Variants in PXK observed in about 807,000 individuals in gnomAD.
PXK encodes PX domain containing serine/threonine kinase like, also known as PX domain-containing protein kinase-like protein.
PXK carries 35 observed loss-of-function variants against 84.7 expected under a neutral mutation model. The observed-to-expected ratio is 0.41, with a 90% CI of 0.32 to 0.55. The LOEUF (loss-of-function observed/expected upper bound fraction) is 0.55. Ranked by LOEUF, PXK falls within the 20% of genes least tolerant of loss-of-function variation. PXK has a pLI of 0.21. For missense variants in PXK, 634 were observed against 699.7 expected (o/e 0.91, Z 1.06); for synonymous variants, 253 against 260.8 (o/e 0.97, Z 0.29).
At chr3:58,372,398 C>T (rs1339695557) in intron 3 of PXK, among the ~76,000 whole-genome samples, 1 of 152,110 alleles carries the variant, frequency 6.6e-6, no homozygotes, top group Non-Finnish European at 1.5e-5. Flanking sequence ...TCTTGGCTGA[C>T]TGCAAGCTCC....
In PXK at chr3:58,390,686, T is replaced by G; in HGVS notation, c.466+27T>G. 1.3e-6 allele frequency: 2 copies of G among 1,592,738 alleles called. No individual in the cohort carries two copies. Among genetic ancestry groups the G allele is most frequent in the Non-Finnish European group, 8.6e-7 (1 of 1,164,092 alleles). On this transcript the variant is annotated intron_variant, in intron 5 of 17. Transcript: ENST00000356151. This position sits in a 1 kb window ranked among gnomAD's most constrained non-coding sequence, Gnocchi z 4.2. ...TGAGACATTGGCACGCTCATTCTGT[T>G]AAAAAGACAGATCACAGAACTGGAT...
chr3:58,412,934 C>G lies in PXK; in HGVS notation c.1499C>G (p.Pro500Arg). 1 of 1,614,172 alleles carries G rather than the reference C, an allele frequency of 6.2e-7. No homozygotes were observed. Among genetic ancestry groups the G allele is most frequent in the Non-Finnish European group, 8.5e-7 (1 of 1,180,026 alleles). ...GGGGCCAGCTCACCTCTCACGTCCC[C>G]GTCATCGCCAACTCCACCCTCTACA... Reference protein sequence around the residue: ...GSGASSPLTSPSSPTPPSTSG... With the variant: ...GSGASSPLTSRSSPTPPSTSG... The change falls in exon 17 of 18, where the codon CCG (proline) becomes CGG (arginine). Residue 500 changes from proline to arginine, a missense_variant. By Grantham distance (103) the Pro-to-Arg change is moderately radical. Around this residue, in one of 3 missense-constraint regions of PXK, gnomAD observed 273 missense variants for 283.6 expected, o/e 0.96. Transcript: ENST00000356151. This position sits in a 1 kb window ranked among gnomAD's most constrained non-coding sequence, Gnocchi z 6.2.
At chr3:58,346,939 A>C (rs1384113577) in intron 1 of PXK, among the ~76,000 whole-genome samples, 1 of 152,076 alleles carries the variant, frequency 6.6e-6, no homozygotes, top group Admixed American at 6.6e-5. Context: ...CCCAGGTTCA[A>C]GCCATTCTCC....
Position 58,342,661 on chromosome 3 carries a change from AAAAG to A in PXK, c.102+9579_102+9582del, listed in dbSNP as rs796283748. On this transcript the variant is annotated intron_variant, in intron 1 of 17. Coordinates refer to ENST00000356151, the MANE Select transcript of PXK (RefSeq NM_017771.5). ...AAAAAAAAAAAAAAAAGAAAAGAAA[AAAAG>A]AAAGAAAAACTTTTTAAAACTGTAA... 9.9e-4 allele frequency among the ~76,000 whole-genome samples: 149 copies of A among 150,962 alleles called. 1 individual carries two copies. Among genetic ancestry groups the A allele is most frequent in the African/African-American group, 3.2e-3 (129 of 40,594 alleles).
intron 17 of PXK, among the ~76,000 whole-genome samples, chr3:58,417,725 G>A (rs6773099): frequency 0.74 from 111,993 of 152,132 alleles, 41,747 homozygotes; most frequent in South Asian, 0.81. Flanking sequence ...TTTCATGGTA[G>A]TATCACCAAC....
rs575442501 is a variant in PXK at position 58,407,992 on chromosome 3, T to A, written c.1231-932T>A. Among the ~76,000 whole-genome samples the A allele has an allele frequency of 1.6e-4, 25 of 152,348 alleles. No homozygotes were observed. Among genetic ancestry groups the A allele is most frequent in the South Asian group, 2.1e-4 (1 of 4,828 alleles). ...CCCTGTGTCTTTTCTTTTAGGAGTT[T>A]TATAGTTTTAGGTCTTATGTTTAGG... On this transcript the variant is annotated intron_variant, in intron 13 of 17. Coordinates refer to ENST00000356151, the MANE Select transcript of PXK (RefSeq NM_017771.5). The surrounding 1 kb of genome is among the most constrained non-coding windows in gnomAD (Gnocchi z 4.3).
At chr3:58,342,599 C>T (rs1173707717) in intron 1 of PXK, among the ~76,000 whole-genome samples, 2 of 142,052 alleles carry the variant, frequency 1.4e-5, no homozygotes, top group African/African-American at 5.3e-5. Context: ...CATGCCAGTG[C>T]ACTCCAGCCT....
chr3:58,381,950 G>C (rs76119387), intron 3 of PXK, among the ~76,000 whole-genome samples: 1 of 148,488 alleles, frequency 6.7e-6, no homozygotes, highest in Non-Finnish European at 1.5e-5. Context: ...AAGAAAGTGA[G>C]TTACTCTTGA....
chr3:58,378,492 CTT>C lies in PXK; in HGVS notation c.202-4002_202-4001del, dbSNP rs1159247642. The stretch of plus-strand genomic sequence containing the variant: ...ATTGGATTTGGACTTCATTTTTCTT[CTT>C]TTTTTTTTTTTTTTTTTTTGTGTGT... On this transcript the variant is annotated intron_variant, in intron 3 of 17. Coordinates refer to ENST00000356151, the MANE Select transcript of PXK (RefSeq NM_017771.5). Among the ~76,000 whole-genome samples, 229 of 24,254 alleles carry C rather than the reference CTT, an allele frequency of 9.4e-3. 15 individuals carry two copies. The highest frequency in any genetic ancestry group is 0.013 in the African/African-American group (92 of 7,130). 15.9% of individuals were successfully genotyped at this position (24,254 alleles called of 152,430 possible). A position where few individuals can be genotyped will look rare whatever the true frequency, so the allele number is the denominator to read the frequency against.
chr3:58,422,691 CTG>C, intron 17 of PXK: 4 of 985,364 alleles, frequency 4.1e-6, no homozygotes, highest in Middle Eastern at 5.2e-4. Context: ...GGTTGGTTCT[CTG>C]TGAGGCCAAG....
In PXK at chr3:58,395,699, T is replaced by A; in HGVS notation, c.762T>A (p.Pro254=). 2 of 1,613,878 alleles carry A rather than the reference T, an allele frequency of 1.2e-6. No individual in the cohort carries two copies. Among genetic ancestry groups the A allele is most frequent in the Non-Finnish European group, 1.7e-6 (2 of 1,179,842 alleles). Residue 254 remains proline (P), a synonymous_variant, in exon 9 of 18, where the codon CCT becomes CCA. Coordinates refer to ENST00000356151, the MANE Select transcript of PXK (RefSeq NM_017771.5). The stretch of plus-strand genomic sequence containing the variant: ...CATTTCTAAAGAAGTACTGCAACCC[T>A]AAGAAGATTCAGGGCCTGGAACTCC... ...KDPFLKKYCN[P]KKIQGLELQQ...
At position 58,412,840 on chromosome 3, in the gene PXK, G is replaced by A; in HGVS notation, c.1466-61G>A. 2 of 1,566,754 alleles carry A rather than the reference G, an allele frequency of 1.3e-6. No homozygotes were observed. Among genetic ancestry groups the A allele is most frequent in the Non-Finnish European group, 1.8e-6 (2 of 1,137,064 alleles). ...CTCAGACAGCAGTGGGTCCCAGCCT[G>A]GGCCAAATTCCAAATGTCTTTCGTT... On this transcript the variant is annotated intron_variant, in intron 16 of 17. Transcript: ENST00000356151. This position sits in a 1 kb window ranked among gnomAD's most constrained non-coding sequence, Gnocchi z 6.2.
rs150513962 is a variant in PXK at position 58,399,761 on chromosome 3, A to G, written c.1181+384A>G. Among the ~76,000 whole-genome samples the G allele has an allele frequency of 2.6e-3, 403 of 152,184 alleles. 1 individual carries two copies. Among genetic ancestry groups the G allele is most frequent in the African/African-American group, 9.2e-3 (383 of 41,536 alleles). On this transcript the variant is annotated intron_variant, in intron 12 of 17. Coordinates refer to ENST00000356151, the MANE Select transcript of PXK (RefSeq NM_017771.5). This position sits in a 1 kb window ranked among gnomAD's most constrained non-coding sequence, Gnocchi z 4.3. ...CAAACCAGTTGGCCCCCAGCTGTGC[A>G]TAGTTCACAAGTCACAGGGCCTTGA...
At chr3:58,359,905 T>G (rs1322295799) in intron 1 of PXK, among the ~76,000 whole-genome samples, 1 of 152,156 alleles carries the variant, frequency 6.6e-6, no homozygotes, top group Non-Finnish European at 1.5e-5. Flanking sequence ...CCCAGCACTT[T>G]GGGAGGCTGA....
intron 1 of PXK, among the ~76,000 whole-genome samples, chr3:58,337,242 A>G (rs1026166087): frequency 1.3e-5 from 2 of 152,234 alleles, no homozygotes; most frequent in African/African-American, 4.8e-5. Context: ...AACATTTTTT[A>G]AAATCAGTGG....
chr3:58,368,642 C>G (rs529430473), intron 2 of PXK, among the ~76,000 whole-genome samples: 3 of 152,172 alleles, frequency 2.0e-5, no homozygotes, highest in Non-Finnish European at 4.4e-5. Context: ...GCCTTCTAAT[C>G]TCCTTTAGTT....
At chr3:58,423,894 G>A (rs891486674) in intron 17 of PXK, among the ~76,000 whole-genome samples, 11 of 152,204 alleles carry the variant, frequency 7.2e-5, no homozygotes, top group Non-Finnish European at 1.3e-4. Flanking sequence ...CCTGGAAGCT[G>A]AGGGAAGTTT....
chr3:58,413,553 A>C (rs1345676446), intron 17 of PXK: 1 of 152,422 alleles, frequency 6.6e-6, no homozygotes, highest in African/African-American at 2.4e-5. Context: ...AAAAGAATTT[A>C]TCTTGGAGAC....
intron 3 of PXK, among the ~76,000 whole-genome samples, chr3:58,376,483 T>G (rs910625657): frequency 1.7e-4 from 26 of 152,160 alleles, no homozygotes; most frequent in African/African-American, 5.8e-4. Flanking sequence ...TTCATTTTGC[T>G]TAAAGTCCCA....
Sources: allele counts gnomAD v4.1 joint callset (sites outside exome capture counted in the v4.1 genomes callset), GRCh38; gene constraint gnomAD v4.1.1; regional missense constraint gnomAD v4.1.1; non-coding constraint Gnocchi (gnomAD v3.1); transcripts MANE v1.5; gene names NCBI Gene and HGNC (gene_info 2026-07-23, HGNC 2026-07-21).